THSD7A: variants seen among roughly 807,000 people sequenced by gnomAD.
THSD7A encodes the protein thrombospondin type-1 domain-containing protein 7A.
In THSD7A, 96 loss-of-function variants were observed where a neutral mutation model predicts 231.3. That is an observed-to-expected ratio of 0.41 (90% CI 0.35 to 0.49). The LOEUF (loss-of-function observed/expected upper bound fraction) is 0.49, where lower values mean the gene tolerates loss of function less well. THSD7A is among the 20% of genes least tolerant of loss of function. THSD7A has a pLI of 0.05. For synonymous variants in THSD7A, 940 were observed against 743.3 expected (o/e 1.26, Z -4.30); for missense variants, 2,290 against 2,070.2 (o/e 1.11, Z -2.06).
Position 11,426,683 on chromosome 7 carries a change from T to G in THSD7A, c.3244-12A>C. The G allele has an allele frequency of 1.3e-6, 2 of 1,561,254 alleles. No homozygotes were observed. Among genetic ancestry groups the G allele is most frequent in the Non-Finnish European group, 8.6e-7 (1 of 1,159,764 alleles). ...GTTCTTACCTGTGCCTGGAGTGGTG[T>G]TCAACAGGAATGATGAAAAGGGAGA... is the stretch of plus-strand genomic sequence containing the variant. On this transcript the variant is annotated splice_polypyrimidine_tract_variant and intron_variant, in intron 14 of 27. Transcript: ENST00000423059.
intron 4 of THSD7A, among the ~76,000 whole-genome samples, chr7:11,584,908 A>G (rs753136873): frequency 4.6e-5 from 7 of 152,172 alleles, no homozygotes; most frequent in Non-Finnish European, 7.3e-5. Flanking sequence ...TGTGAAACAG[A>G]ATTTAAGGAA....
At chr7:11,496,426 C>T (rs1267873302) in intron 6 of THSD7A, among the ~76,000 whole-genome samples, 1 of 152,054 alleles carries the variant, frequency 6.6e-6, no homozygotes, top group Non-Finnish European at 1.5e-5. Context: ...GGAAATGAGG[C>T]CCATAGTATG....
chr7:11,482,076 C>G, intron 6 of THSD7A, 94 bp from the exon 7 acceptor site: 1 of 1,323,210 alleles, frequency 7.6e-7, no homozygotes, highest in South Asian at 1.6e-5. Context: ...GTTACATTAT[C>G]TTTCTTTTGC....
At chr7:11,749,521 TCAGA>T (rs1182810524) in intron 1 of THSD7A, among the ~76,000 whole-genome samples, 2 of 151,992 alleles carry the variant, frequency 1.3e-5, no homozygotes, top group Non-Finnish European at 2.9e-5. Flanking sequence ...TATGTTTGAC[TCAGA>T]CAACCAAGTA....
At chr7:11,475,655 C>T (rs1786138785) in intron 7 of THSD7A, among the ~76,000 whole-genome samples, 2 of 148,642 alleles carry the variant, frequency 1.3e-5, no homozygotes, top group East Asian at 1.9e-4. Context: ...GTAATGAATC[C>T]TGCATTCTTC....
intron 6 of THSD7A, among the ~76,000 whole-genome samples, chr7:11,529,703 G>A (rs1317386764): frequency 6.6e-6 from 1 of 152,072 alleles, no homozygotes; most frequent in Non-Finnish European, 1.5e-5. Flanking sequence ...CAGCCATGTA[G>A]AACTATGTGA....
chr7:11,478,724 T>A (rs1786300451), intron 7 of THSD7A, among the ~76,000 whole-genome samples: 2 of 152,120 alleles, frequency 1.3e-5, no homozygotes, highest in African/African-American at 2.4e-5. Context: ...TCCTAACATT[T>A]TCACAATGTT....
chr7:11,820,464 AC>A (rs1170503674), intron 1 of THSD7A: 6 of 1,214,134 alleles, frequency 4.9e-6, no homozygotes, highest in South Asian at 1.7e-5. Context: ...ACCGGCCCTG[AC>A]CCGGAGGTCA....
At chr7:11,623,333 C>G (rs987811602) in intron 2 of THSD7A, among the ~76,000 whole-genome samples, 2 of 152,106 alleles carry the variant, frequency 1.3e-5, no homozygotes, top group Admixed American at 6.6e-5. Context: ...AATTTAAGAA[C>G]GCACTTGCAT....
chr7:11,613,186 T>C (rs1475077191), intron 2 of THSD7A, among the ~76,000 whole-genome samples: 1 of 152,202 alleles, frequency 6.6e-6, no homozygotes, highest in Non-Finnish European at 1.5e-5. Flanking sequence ...ATCTTGGACT[T>C]ATTACATTCA....
At chr7:11,777,226 C>T (rs539460921) in intron 1 of THSD7A, among the ~76,000 whole-genome samples, 1 of 152,080 alleles carries the variant, frequency 6.6e-6, no homozygotes, top group African/African-American at 2.4e-5. Context: ...CATTTGGTGC[C>T]ATTTGACAAC....
intron 2 of THSD7A, among the ~76,000 whole-genome samples, chr7:11,595,354 G>C (rs1780321705): frequency 6.6e-6 from 1 of 152,130 alleles, no homozygotes; most frequent in Non-Finnish European, 1.5e-5. Context: ...TAAGAGTGTG[G>C]GGTAATGGTG....
chr7:11,542,262 C>T (rs1280924297), intron 5 of THSD7A, among the ~76,000 whole-genome samples: 1 of 152,126 alleles, frequency 6.6e-6, no homozygotes, highest in African/African-American at 2.4e-5. Flanking sequence ...AAATGCTGCC[C>T]TTCATGAGAG....
intron 1 of THSD7A, among the ~76,000 whole-genome samples, chr7:11,665,244 C>T (rs375480979): frequency 1.1e-4 from 17 of 152,148 alleles, no homozygotes; most frequent in South Asian, 2.1e-4. Flanking sequence ...TATGCTATGA[C>T]GCCAAAGGAT....
At chr7:11,425,606 A>C (rs1274237775) in intron 15 of THSD7A, among the ~76,000 whole-genome samples, 1 of 151,998 alleles carries the variant, frequency 6.6e-6, no homozygotes, top group Non-Finnish European at 1.5e-5. Flanking sequence ...TTTCAATGAG[A>C]AGAATGACTA....
At chr7:11,765,123 T>C (rs1782991472) in intron 1 of THSD7A, among the ~76,000 whole-genome samples, 1 of 152,154 alleles carries the variant, frequency 6.6e-6, no homozygotes, top group Non-Finnish European at 1.5e-5. Flanking sequence ...GAGAAACTGA[T>C]ACTGGAAAAT....
At chr7:11,732,867 C>T (rs941485021) in intron 1 of THSD7A, among the ~76,000 whole-genome samples, 1 of 151,770 alleles carries the variant, frequency 6.6e-6, no homozygotes, top group African/African-American at 2.4e-5. Context: ...AAAATGCTTT[C>T]AAACAATGCA....
intron 22 of THSD7A, among the ~76,000 whole-genome samples, chr7:11,403,913 T>C (rs1320521002): frequency 6.6e-6 from 1 of 152,202 alleles, no homozygotes; most frequent in African/African-American, 2.4e-5. Flanking sequence ...TTTCCTAATT[T>C]AGTATTCTAC....
chr7:11,490,575 G>C (rs1404101487), intron 6 of THSD7A, among the ~76,000 whole-genome samples: 1 of 152,010 alleles, frequency 6.6e-6, no homozygotes, highest in Admixed American at 6.6e-5. Context: ...TACAGTATGG[G>C]TATAATCAAA....
Sources: allele counts gnomAD v4.1 joint callset (sites outside exome capture counted in the v4.1 genomes callset), GRCh38; gene constraint gnomAD v4.1.1; transcripts MANE v1.5; gene names NCBI Gene and HGNC (gene_info 2026-07-23, HGNC 2026-07-21).